The following CYTIP variants were observed in gnomAD, a reference collection of about 807,000 sequenced individuals.
CYTIP encodes cytohesin 1 interacting protein, also known as cytohesin-interacting protein.
Under a neutral mutation model 43.8 loss-of-function variants are expected in CYTIP, and 26 were observed. The ratio of observed to expected loss-of-function variants is 0.59; its 90% CI spans 0.44 to 0.82. The LOEUF is 0.82. Ranked by LOEUF, CYTIP falls within the 40% of genes least tolerant of loss-of-function variation. The probability of loss-of-function intolerance (pLI) is 0.00; values close to 1 mark genes in which losing one functional copy is unlikely to be tolerated. For missense variants in CYTIP, 426 were observed against 443.1 expected, an observed-to-expected ratio of 0.96 and a Z score of 0.35; for synonymous variants, 162 against 162.9, an observed-to-expected ratio of 0.99 and a Z score of 0.04.
chr2:157,427,327 C>T (rs1273986702), intron 6 of CYTIP, 24 bp downstream of exon 6: 11 of 1,582,170 alleles, frequency 7.0e-6, no homozygotes, highest in Non-Finnish European at 9.5e-6. Context: ...GAAAAATGTG[C>T]CTCACTGCAT....
At position 157,434,349 on chromosome 2, in the gene CYTIP, GA is replaced by G. The variant is rs1304553932; in HGVS notation, c.279+20del. On this transcript the variant is annotated intron_variant, in intron 3 of 7. Transcript: ENST00000264192. ...TGCCACTTTCTTCCTTGGAAGTCTA[GA>G]AAATGTGAAAATTGCCCACCTGAAT... 2 of 1,601,416 alleles carry G rather than the reference GA, an allele frequency of 1.2e-6. No homozygotes were observed. The highest frequency in any genetic ancestry group is 1.7e-6 in the Non-Finnish European group (2 of 1,168,840).
At position 157,434,732 on chromosome 2, in the gene CYTIP, A is replaced by C. The variant is rs753980335; in HGVS notation, c.190T>G (p.Ser64Ala). 6 of 1,611,792 alleles carry C rather than the reference A, an allele frequency of 3.7e-6. No homozygotes were observed. In the Admixed American group the frequency reaches 1.0e-4, roughly 27 times the overall value. Residue 64 changes from serine to alanine, a missense_variant, in exon 2 of 8, where the codon TCA (serine) becomes GCA (alanine). Ser to Ala is a moderately conservative substitution (Grantham distance 99, BLOSUM62 1). Coordinates refer to ENST00000264192, the MANE Select transcript of CYTIP (RefSeq NM_004288.5). ...CAGGAAAAGTCACTTAAAGAACTTG[A>C]TCTGGTCAAAGCAAGCTGAAAAACA... Reference protein sequence around the residue: ...RGRKQLALTRSSSLSDFSWSQ... With the variant: ...RGRKQLALTRASSLSDFSWSQ...
intron 6 of CYTIP, among the ~76,000 whole-genome samples, chr2:157,419,635 T>A (rs750366072): frequency 7.9e-5 from 12 of 152,178 alleles, no homozygotes; most frequent in African/African-American, 1.2e-4. Flanking sequence ...CAGGTCCCTA[T>A]AGCAAGCCTA....
In CYTIP at chr2:157,430,568, T is replaced by A; in HGVS notation, c.467A>T (p.Asn156Ile). The A allele has an allele frequency of 1.9e-6, 3 of 1,614,106 alleles. No individual in the cohort carries two copies. Among genetic ancestry groups the A allele is most frequent in the Non-Finnish European group, 2.5e-6 (3 of 1,179,910 alleles). The change falls in exon 5 of 8, where the codon AAC (asparagine) becomes ATC (isoleucine). Residue 156 changes from asparagine to isoleucine, a missense_variant. Transcript: ENST00000264192. ...CTAGACAGATAGTTACGTTAGCAGG[T>A]TTCCGGACGATCTGATCAGGTCAAC... ...QVVDLIRSSGNLLTIETLNGT... is the reference protein window; with the variant it reads ...QVVDLIRSSGILLTIETLNGT...
In CYTIP at chr2:157,430,551, A is replaced by T. The variant is rs779016880; in HGVS notation, c.476+8T>A. ...TTGAAGCCCCACGGGAACTAGACAG[A>T]TAGTTACGTTAGCAGGTTTCCGGAC... On this transcript the variant is annotated splice_region_variant and intron_variant, in intron 5 of 7. Transcript: ENST00000264192. 2 of 1,612,542 alleles carry T rather than the reference A, an allele frequency of 1.2e-6. No individual in the cohort carries two copies. Among genetic ancestry groups the T allele is most frequent in the Admixed American group, 1.7e-5 (1 of 60,008 alleles).
intron 6 of CYTIP, among the ~76,000 whole-genome samples, chr2:157,426,040 T>A (rs1685600871): frequency 6.6e-6 from 1 of 151,904 alleles, no homozygotes; most frequent in Admixed American, 6.6e-5. Flanking sequence ...TCTATAAAAA[T>A]TATTATTAGA....
intron 1 of CYTIP, among the ~76,000 whole-genome samples, chr2:157,435,282 T>G (rs772521461): frequency 6.6e-6 from 1 of 152,118 alleles, no homozygotes; most frequent in Non-Finnish European, 1.5e-5. Flanking sequence ...ACTATAATAA[T>G]TCAATACGTT....
intron 7 of CYTIP, 147 bp from the exon 8 acceptor site, chr2:157,416,290 A>C (rs1685439842): frequency 3.0e-6 from 2 of 669,180 alleles, no homozygotes; most frequent in Non-Finnish European, 5.0e-6. Context: ...TGAATAAGTA[A>C]CTGTTTATGA....
At chr2:157,431,803 T>C (rs1420451714) in intron 3 of CYTIP, among the ~76,000 whole-genome samples, 2 of 152,218 alleles carry the variant, frequency 1.3e-5, no homozygotes, top group Non-Finnish European at 2.9e-5. Flanking sequence ...TTAAGCTACA[T>C]TAAAGTAGTA....
chr2:157,436,032 T>C (rs1217938576), intron 1 of CYTIP, among the ~76,000 whole-genome samples: 1 of 152,188 alleles, frequency 6.6e-6, no homozygotes. Flanking sequence ...TCCATAAACT[T>C]AACGTAATGG....
At chr2:157,434,605 G>GAC in intron 2 of CYTIP, 93 bp downstream of exon 2, 2 of 963,182 alleles carry the variant, frequency 2.1e-6, no homozygotes, top group Non-Finnish European at 3.3e-6. Context: ...TAGAGAGAGA[G>GAC]AGAGAGAGAG....
At chr2:157,420,055 G>A (rs1444832050) in intron 6 of CYTIP, among the ~76,000 whole-genome samples, 1 of 152,224 alleles carries the variant, frequency 6.6e-6, no homozygotes, top group Non-Finnish European at 1.5e-5. Context: ...TGCTTTGAGG[G>A]CTGAGGGCAG....
chr2:157,438,026 T>C (rs1685840841), intron 1 of CYTIP, among the ~76,000 whole-genome samples: 1 of 152,196 alleles, frequency 6.6e-6, no homozygotes, highest in Admixed American at 6.5e-5. Context: ...CTACTGGGAA[T>C]TCATCCAAAG....
chr2:157,442,988 TG>T (rs1338743052), intron 1 of CYTIP, among the ~76,000 whole-genome samples: 6 of 152,166 alleles, frequency 3.9e-5, no homozygotes, highest in Non-Finnish European at 8.8e-5. Context: ...AGAGGTATTA[TG>T]GTTAAAAAAA....
chr2:157,430,666 A>G lies in CYTIP; in HGVS notation c.383-14T>C. The G allele has an allele frequency of 6.2e-7, 1 of 1,608,994 alleles. No individual in the cohort carries two copies. The highest frequency in any genetic ancestry group is 1.7e-5 in the Admixed American group (1 of 60,018). On this transcript the variant is annotated splice_polypyrimidine_tract_variant and intron_variant, in intron 4 of 7. Transcript: ENST00000264192. Reference sequence around the variant, plus strand: ...CAAGGACATCACCTGGGAGATGCCAAGAAAAATGAGTGTTATGTTGGTTAG... The same window carrying G: ...CAAGGACATCACCTGGGAGATGCCAGGAAAAATGAGTGTTATGTTGGTTAG...
Position 157,415,711 on chromosome 2 carries a change from T to C in CYTIP, c.1046A>G (p.His349Arg), listed in dbSNP as rs778728632. The C allele has an allele frequency of 6.8e-6, 11 of 1,613,298 alleles. No homozygotes were observed. Among genetic ancestry groups the C allele is most frequent in the Admixed American group, 3.3e-5 (2 of 59,986 alleles). Residue 349 changes from histidine (H) to arginine (R), a missense_variant, in exon 8 of 8, where the codon CAT (histidine) becomes CGT (arginine). Transcript: ENST00000264192. ...ACTTTCTTCCTCTTCCACAGCACGA[T>C]GAAGGCCAGGGATAAATTTCAAGAG... ...KQLLKFIPGLHRAVEEEESRF is the reference protein window; with the variant it reads ...KQLLKFIPGLRRAVEEEESRF
intron 6 of CYTIP, among the ~76,000 whole-genome samples, chr2:157,423,034 A>T (rs1685547325): frequency 6.6e-6 from 1 of 152,092 alleles, no homozygotes; most frequent in South Asian, 2.1e-4. Context: ...AAGATAATAC[A>T]AGAGTGGTGT....
intron 6 of CYTIP, among the ~76,000 whole-genome samples, chr2:157,425,541 G>A (rs540648759): frequency 6.6e-6 from 1 of 152,198 alleles, no homozygotes; most frequent in Non-Finnish European, 1.5e-5. Context: ...GGAAGAGGAT[G>A]GAGATACTGA....
At position 157,415,993 on chromosome 2, in the gene CYTIP, ATCG is replaced by A. The variant is rs768740266; in HGVS notation, c.761_763del (p.Thr254del). On this transcript the variant is annotated inframe_deletion, in exon 8 of 8. Transcript: ENST00000264192. ...CGTCTGGTAGCCATCTTCACTGTCC[ATCG>A]TCATGGAGCTCAGCCAGCTCTTACA... 1 of 1,614,188 alleles carries A rather than the reference ATCG, an allele frequency of 6.2e-7. No homozygotes were observed.
Sources: gnomAD v4.1 joint callset for allele counts (sites outside exome capture counted in the v4.1 genomes callset) on GRCh38, gnomAD v4.1.1 for gene constraint, MANE v1.5 for transcripts, NCBI Gene and HGNC (gene_info 2026-07-23, HGNC 2026-07-21) for gene names.